The following GNG7 variants were observed in gnomAD, a reference collection of about 807,000 sequenced individuals.
The protein encoded by GNG7 is G protein subunit gamma 7.
In GNG7, 1 loss-of-function variant was observed where a neutral mutation model predicts 4.0. The observed-to-expected ratio is 0.25, with a 90% CI of 0.09 to 1.18. The LOEUF (loss-of-function observed/expected upper bound fraction) is 1.18. Among genes scored for constraint, GNG7 ranks in the 50% most tolerant of loss-of-function variants. GNG7 has a pLI of 0.50. For missense variants in GNG7, 86 were observed against 91.9 expected (o/e 0.94, Z 0.26); for synonymous variants, 34 against 36.9 (o/e 0.92, Z 0.29).
intron 1 of GNG7, among the ~76,000 whole-genome samples, chr19:2,655,838 GAA>G (rs56041767): frequency 0.018 from 973 of 54,706 alleles, 13 homozygotes; most frequent in African/African-American, 0.048. Flanking sequence ...GGCTCCGTCT[GAA>G]AAAAAAAAAA....
intron 2 of GNG7, among the ~76,000 whole-genome samples, chr19:2,595,803 A>G (rs1475845992): frequency 7.2e-5 from 11 of 152,080 alleles, no homozygotes; most frequent in East Asian, 3.9e-4. Context: ...TGTACAATGC[A>G]CTCCATATGG....
rs139234100 is a variant in GNG7, at chr19:2,569,424, C to T, written c.-77-14236G>A. Among the ~76,000 whole-genome samples, 558 of 152,160 alleles carry T rather than the reference C, an allele frequency of 3.7e-3. 2 individuals carry two copies. Among genetic ancestry groups the T allele is most frequent in the African/African-American group, 0.013 (527 of 41,522 alleles). On this transcript the variant is annotated intron_variant, in intron 2 of 4. Coordinates refer to ENST00000382159, the MANE Select transcript of GNG7 (RefSeq NM_052847.3). ...CCGAGTAGCTGGGACTACAGGCGCC[C>T]GCCACCACACCCGGCTAATTTTTTG... is the stretch of plus-strand genomic sequence containing the variant.
intron 3 of GNG7, among the ~76,000 whole-genome samples, chr19:2,544,366 G>A (rs1979057354): frequency 6.6e-6 from 1 of 152,132 alleles, no homozygotes; most frequent in Non-Finnish European, 1.5e-5. Flanking sequence ...GGGCACGAGG[G>A]CCTCAGCCAT....
At position 2,653,453 on chromosome 19, in the gene GNG7, G is replaced by A. The variant is rs1982881969; in HGVS notation, c.-134-7173C>T. ...CCACATCCTGAGTGGGGCGGAGGGA[G>A]GAGGAGAATCCCAGGAGCTGGGGGG... On this transcript the variant is annotated intron_variant, in intron 1 of 4. Coordinates refer to ENST00000382159, the MANE Select transcript of GNG7 (RefSeq NM_052847.3). The surrounding 1 kb of genome is among the most constrained non-coding windows in gnomAD (Gnocchi z 4.8). Among the ~76,000 whole-genome samples, 1 of 152,150 alleles carries A rather than the reference G, an allele frequency of 6.6e-6. No individual in the cohort carries two copies. Among genetic ancestry groups the A allele is most frequent in the African/African-American group, 2.4e-5 (1 of 41,374 alleles).
At position 2,626,298 on chromosome 19, in the gene GNG7, C is replaced by T. The variant is rs554437006; in HGVS notation, c.-78+19926G>A. ...GACCAGCGGCACCGTGGAAACCCAC[C>T]GGGATCTCTGCCACCCACAGGAGGC... On this transcript the variant is annotated intron_variant, in intron 2 of 4. Coordinates refer to ENST00000382159, the MANE Select transcript of GNG7 (RefSeq NM_052847.3). The surrounding 1 kb of genome is among the most constrained non-coding windows in gnomAD (Gnocchi z 5.0). 9.2e-5 allele frequency among the ~76,000 whole-genome samples: 14 copies of T among 152,292 alleles called. No homozygotes were observed. The South Asian group carries it at 2.9e-3, about 32-fold the overall frequency.
chr19:2,559,160 A>G (rs1264598807), intron 2 of GNG7, among the ~76,000 whole-genome samples: 1 of 152,046 alleles, frequency 6.6e-6, no homozygotes. Context: ...ACATATATAT[A>G]CATATACATA....
At position 2,618,674 on chromosome 19, in the gene GNG7, A is replaced by G. The variant is rs1467677912; in HGVS notation, c.-78+27550T>C. 6.6e-6 allele frequency among the ~76,000 whole-genome samples: 1 copy of G among 151,710 alleles called. No homozygotes were observed. The highest frequency in any genetic ancestry group is 2.4e-5 in the African/African-American group (1 of 41,260). On this transcript the variant is annotated intron_variant, in intron 2 of 4. Transcript: ENST00000382159. The surrounding 1 kb of genome is among the most constrained non-coding windows in gnomAD (Gnocchi z 5.1). ...TGTTCTATTTTTTTTTTAATAAACAATTTTATTTGGAGTAATTTTAGATTT... is the reference window on the plus strand; with the variant it reads ...TGTTCTATTTTTTTTTTAATAAACAGTTTTATTTGGAGTAATTTTAGATTT...
intron 2 of GNG7, among the ~76,000 whole-genome samples, chr19:2,582,489 A>AT (rs577054566): frequency 0.14 from 21,151 of 148,274 alleles, 1,805 homozygotes; most frequent in Middle Eastern, 0.25. Context: ...TTAAATGACA[A>AT]TTTTTTTTTT....
chr19:2,554,559 ATTTTT>A (rs34740203), intron 3 of GNG7, among the ~76,000 whole-genome samples: 2 of 130,140 alleles, frequency 1.5e-5, no homozygotes, highest in African/African-American at 5.6e-5. Context: ...ATATATATAT[ATTTTT>A]TTTTTTTTGA....
chr19:2,656,335 G>A (rs1030186994), intron 1 of GNG7, among the ~76,000 whole-genome samples: 3 of 152,240 alleles, frequency 2.0e-5, no homozygotes, highest in African/African-American at 4.8e-5. Flanking sequence ...CGGGTGCGGT[G>A]GCTCACGCCT....
In GNG7 at chr19:2,512,180, C is replaced by A; in HGVS notation, c.*2842G>T. 2 of 985,888 alleles carry A rather than the reference C, an allele frequency of 2.0e-6. No individual in the cohort carries two copies. The highest frequency in any genetic ancestry group is 2.4e-6 in the Non-Finnish European group (2 of 829,980). The allele number at this position is 985,888 out of a possible 1,614,324, so 61.1% of individuals were successfully genotyped here. On this transcript the variant is annotated 3_prime_UTR_variant, in exon 5 of 5. Coordinates refer to ENST00000382159, the MANE Select transcript of GNG7 (RefSeq NM_052847.3). The surrounding 1 kb of genome is among the most constrained non-coding windows in gnomAD (Gnocchi z 4.7). ...AAGGCTAGAGCTGCTGCTGCCACCC[C>A]CGCCCGCCAGCTCCCCGTCTGGAGG...
At chr19:2,522,751 C>CAAA (rs59490251) in intron 3 of GNG7, among the ~76,000 whole-genome samples, 2 of 43,866 alleles carry the variant, frequency 4.6e-5, no homozygotes, top group African/African-American at 1.9e-4. Context: ...GACTCTGTCT[C>CAAA]AAAAAAAAAA....
Position 2,620,362 on chromosome 19 carries a change from C to G in GNG7, c.-78+25862G>C, listed in dbSNP as rs146906854. Among the ~76,000 whole-genome samples, 190 of 151,970 alleles carry G rather than the reference C, an allele frequency of 1.3e-3. 1 individual carries two copies. The highest frequency in any genetic ancestry group is 4.5e-3 in the African/African-American group (186 of 41,436). On this transcript the variant is annotated intron_variant, in intron 2 of 4. Transcript: ENST00000382159. ...CTCTCTCTGCAGGCAGGTCACTGCC[C>G]CCCTCACAAACCTCTGTCCTGATCC...
chr19:2,511,989 T>C lies in GNG7; in HGVS notation c.*3033A>G. On this transcript the variant is annotated 3_prime_UTR_variant, in exon 5 of 5. Transcript: ENST00000382159. The surrounding 1 kb of genome is among the most constrained non-coding windows in gnomAD (Gnocchi z 6.3). ...CCGCTGTGGCCCTTCACCTGGCTAC[T>C]GGTGTCTCGCTCAGCAGCGGGGAAG... 1 of 985,880 alleles carries C rather than the reference T, an allele frequency of 1.0e-6. No individual in the cohort carries two copies. The highest frequency in any genetic ancestry group is 1.2e-6 in the Non-Finnish European group (1 of 829,948). 61.1% of individuals were successfully genotyped at this position (985,880 alleles called of 1,614,324 possible).
Position 2,644,403 on chromosome 19 carries a change from C to T in GNG7, c.-78+1821G>A, listed in dbSNP as rs1982611185. Among the ~76,000 whole-genome samples the T allele has an allele frequency of 2.7e-5, 3 of 111,806 alleles. No homozygotes were observed. The Admixed American group carries it at 3.0e-4, about 11-fold the overall frequency. The allele number at this position is 111,806 out of a possible 152,430, so 73.3% of individuals were successfully genotyped here. A position where few individuals can be genotyped will look rare whatever the true frequency, so the allele number is the denominator to read the frequency against. ...TATAATGCTCTATCTATACATGCATCATGTTATTGAGATGTAATTCATATG... is the reference window on the plus strand; with the variant it reads ...TATAATGCTCTATCTATACATGCATTATGTTATTGAGATGTAATTCATATG... On this transcript the variant is annotated intron_variant, in intron 2 of 4. Coordinates refer to ENST00000382159, the MANE Select transcript of GNG7 (RefSeq NM_052847.3).
intron 1 of GNG7, among the ~76,000 whole-genome samples, chr19:2,686,701 C>T (rs1260750602): frequency 6.6e-6 from 1 of 151,860 alleles, no homozygotes; most frequent in Admixed American, 6.6e-5. Context: ...TCCCAAGGAG[C>T]GGAGCCTTTG....
At chr19:2,686,505 A>G (rs956324255) in intron 1 of GNG7, among the ~76,000 whole-genome samples, 4 of 152,002 alleles carry the variant, frequency 2.6e-5, no homozygotes, top group Non-Finnish European at 4.4e-5. Context: ...AGCTGCGCTC[A>G]ACACCCCGGC....
chr19:2,645,580 T>A (rs1406032203), intron 2 of GNG7, among the ~76,000 whole-genome samples: 1 of 152,094 alleles, frequency 6.6e-6, no homozygotes, highest in Non-Finnish European at 1.5e-5. Flanking sequence ...TTAAGATTTT[T>A]AAGTAAGTTC....
intron 4 of GNG7, among the ~76,000 whole-genome samples, chr19:2,519,314 G>A (rs1291792833): frequency 1.4e-5 from 2 of 146,892 alleles, no homozygotes; most frequent in Non-Finnish European, 3.0e-5. Context: ...CCATACCCGG[G>A]TAATCTTTTT....
Sources: allele counts gnomAD v4.1 joint callset (sites outside exome capture counted in the v4.1 genomes callset), GRCh38; gene constraint gnomAD v4.1.1; non-coding constraint Gnocchi (gnomAD v3.1); transcripts MANE v1.5; gene names NCBI Gene and HGNC (gene_info 2026-07-23, HGNC 2026-07-21).